FBXW10: variants seen among roughly 807,000 people sequenced by gnomAD.
FBXW10 encodes the protein F-box/WD repeat-containing protein 10.
In FBXW10, 68 loss-of-function variants were observed where a neutral mutation model predicts 113.1. The ratio of observed to expected loss-of-function variants is 0.60; its 90% CI spans 0.49 to 0.74. The LOEUF (loss-of-function observed/expected upper bound fraction) is 0.74, where lower values mean the gene tolerates loss of function less well. FBXW10 is among the 30% of genes least tolerant of loss of function. The probability of loss-of-function intolerance (pLI) is 0.00; values close to 1 mark genes in which losing one functional copy is unlikely to be tolerated. For synonymous variants in FBXW10, 289 were observed against 481.6 expected (o/e 0.60, Z 5.24); for missense variants, 753 against 1,284.5 (o/e 0.59, Z 6.32).
chr17:18,763,890 G>A lies in FBXW10; in HGVS notation c.1434-852G>A, dbSNP rs986162533. ...CTAAAAACCACCTGACACTGATCAA[G>A]CATTTTGTACATGTTAGTCACTATT... On this transcript the variant is annotated intron_variant, in intron 7 of 13. Transcript: ENST00000395665. 1.9e-4 allele frequency among the ~76,000 whole-genome samples: 28 copies of A among 147,140 alleles called. 1 individual carries two copies. Among genetic ancestry groups the A allele is most frequent in the Non-Finnish European group, 3.0e-5 (2 of 67,110 alleles).
Position 18,769,970 on chromosome 17 carries a change from G to T in FBXW10, c.1891G>T (p.Ala631Ser), listed in dbSNP as rs371753550. 1.9e-6 allele frequency: 3 copies of T among 1,614,090 alleles called. No homozygotes were observed. The highest frequency in any genetic ancestry group is 8.5e-7 in the Non-Finnish European group (1 of 1,180,028). Residue 631 changes from alanine to serine, a missense_variant, in exon 11 of 14, where the codon GCC (alanine) becomes TCC (serine). Physicochemically the swap from Ala to Ser is moderately conservative, Grantham distance 99 (BLOSUM62 1). Coordinates refer to ENST00000395665, the MANE Select transcript of FBXW10 (RefSeq NM_001267585.2). ...VSLLFLRVIS[A>S]CADGKIRIYN... ...CCTTCTCTTCCTCCGGGTCATCAGC[G>T]CCTGTGCAGATGGCAAGATCCGAAT...
intron 2 of FBXW10, 115 bp downstream of exon 2, chr17:18,748,220 C>T (rs2035081642): frequency 6.7e-7 from 1 of 1,491,912 alleles, no homozygotes; most frequent in Admixed American, 2.2e-5. Flanking sequence ...GAGATCGAGA[C>T]CATCCTGGCT....
At chr17:18,768,024 T>TCTC (rs2035532631) in intron 9 of FBXW10, among the ~76,000 whole-genome samples, 1 of 108,808 alleles carries the variant, frequency 9.2e-6, no homozygotes, top group Non-Finnish European at 1.9e-5. Context: ...CCTTCCTTCC[T>TCTC]TTCTTCCTTC....
chr17:18,762,462 C>A lies in FBXW10; in HGVS notation c.1434-2280C>A, dbSNP rs567198390. 1.4e-4 allele frequency among the ~76,000 whole-genome samples: 21 copies of A among 151,752 alleles called. 1 individual carries two copies. The East Asian group carries it at 2.5e-3, about 18-fold the overall frequency. On this transcript the variant is annotated intron_variant, in intron 7 of 13. Transcript: ENST00000395665. ...CCTCCCGAGTAGCTGGGACTACAGG[C>A]ATGTGCCACCACGCCCGGCGGCTAA...
chr17:18,776,258 G>T, intron 13 of FBXW10, among the ~76,000 whole-genome samples: 1 of 151,982 alleles, frequency 6.6e-6, no homozygotes, highest in African/African-American at 2.4e-5. Context: ...GAGGGGTGGG[G>T]GTTGCAGTGA....
chr17:18,768,022 C>T lies in FBXW10; in HGVS notation c.1705-512C>T, dbSNP rs1465505354. ...TATTTTTTCTTTTCCTTCCTTCCTT[C>T]CTTTCTTCCTTCCTTCCTTCCTTCC... On this transcript the variant is annotated intron_variant, in intron 9 of 13. Transcript: ENST00000395665. 5.6e-5 allele frequency among the ~76,000 whole-genome samples: 7 copies of T among 125,646 alleles called. No individual in the cohort carries two copies. In the East Asian group the frequency reaches 8.9e-4, roughly 16 times the overall value. The allele number at this position is 125,646 out of a possible 152,430, so 82.4% of individuals were successfully genotyped here.
intron 7 of FBXW10, among the ~76,000 whole-genome samples, chr17:18,762,318 C>CTTT (rs879044366): frequency 1.5e-5 from 2 of 136,712 alleles, no homozygotes; most frequent in Non-Finnish European, 3.2e-5. Flanking sequence ...AATATATTAT[C>CTTT]TTTTTTTTTT....
chr17:18,772,760 G>A (rs970342101), intron 12 of FBXW10, 77 bp downstream of exon 12: 15 of 1,250,902 alleles, frequency 1.2e-5, no homozygotes, highest in East Asian at 9.3e-5. Context: ...GGTGGGAGAC[G>A]GGGAGGACTG....
At chr17:18,753,547 C>G (rs1197799129) in intron 5 of FBXW10, among the ~76,000 whole-genome samples, 1 of 152,154 alleles carries the variant, frequency 6.6e-6, no homozygotes, top group Non-Finnish European at 1.5e-5. Context: ...CTTCGCCTTT[C>G]TCTCCTCTTT....
intron 7 of FBXW10, among the ~76,000 whole-genome samples, chr17:18,762,464 T>A (rs1020042927): frequency 5.3e-5 from 8 of 150,986 alleles, no homozygotes; most frequent in Non-Finnish European, 1.2e-4. Flanking sequence ...ACTACAGGCA[T>A]GTGCCACCAC....
intron 12 of FBXW10, among the ~76,000 whole-genome samples, chr17:18,774,873 T>C (rs968769377): frequency 6.6e-5 from 10 of 152,218 alleles, no homozygotes. Flanking sequence ...AGATTTGGAA[T>C]GTTCCCAACA....
intron 8 of FBXW10, among the ~76,000 whole-genome samples, chr17:18,765,851 C>T (rs1438387313): frequency 2.6e-5 from 4 of 152,046 alleles, no homozygotes; most frequent in East Asian, 3.9e-4. Flanking sequence ...CTCAGCCTCC[C>T]GAGTAGCTGG....
At position 18,744,340 on chromosome 17, in the gene FBXW10, T is replaced by A; in HGVS notation, c.96T>A (p.Cys32Ter). The A allele has an allele frequency of 8.7e-6, 14 of 1,613,824 alleles. No individual in the cohort carries two copies. The highest frequency in any genetic ancestry group is 1.1e-5 in the Non-Finnish European group (13 of 1,179,862). ...SIPLCRKCET[C>*]VLAWKIFSTK... The stretch of plus-strand genomic sequence containing the variant: ...CTCTATGCCGGAAGTGTGAGACGTG[T>A]GTCTTAGCCTGGAAGATCTTCTCTA... The change falls in exon 1 of 14, where the codon TGT becomes TGA. Residue 32 changes from cysteine (C) to a stop codon, truncating the protein, a stop_gained. Coordinates refer to ENST00000395665, the MANE Select transcript of FBXW10 (RefSeq NM_001267585.2). LOFTEE classifies it high-confidence loss of function.
rs1290389858 is a variant in FBXW10, at chr17:18,748,036, C to A, written c.601C>A (p.Gln201Lys). 20 of 1,613,746 alleles carry A rather than the reference C, an allele frequency of 1.2e-5. No individual in the cohort carries two copies. Among genetic ancestry groups the A allele is most frequent in the Non-Finnish European group, 1.5e-5 (18 of 1,179,858 alleles). ...ACAAGTCTATTGGACAGCCAAAACT[C>A]AGCACACATCCCTTCCTTTGTCCAA... is the stretch of plus-strand genomic sequence containing the variant. ...TSQVYWTAKT[Q>K]HTSLPLSKAP... The change falls in exon 2 of 14, where the codon CAG becomes AAG. Residue 201 changes from glutamine (Q) to lysine (K), a missense_variant. Coordinates refer to ENST00000395665, the MANE Select transcript of FBXW10 (RefSeq NM_001267585.2).
intron 13 of FBXW10, among the ~76,000 whole-genome samples, chr17:18,777,993 G>A (rs573967966): frequency 1.3e-5 from 2 of 151,852 alleles, no homozygotes; most frequent in South Asian, 2.1e-4. Context: ...GCTCATGCCT[G>A]TAATCCCAGC....
chr17:18,768,269 T>C (rs988160178), intron 9 of FBXW10, among the ~76,000 whole-genome samples: 10 of 152,050 alleles, frequency 6.6e-5, no homozygotes, highest in Non-Finnish European at 1.3e-4. Flanking sequence ...GGTTTCACCA[T>C]GTTGGCCAGG....
chr17:18,775,092 C>T (rs920634710), intron 12 of FBXW10, 44 bp from the exon 13 acceptor site: 17 of 1,292,940 alleles, frequency 1.3e-5, no homozygotes, highest in Non-Finnish European at 1.8e-5. Flanking sequence ...ATGCCCTAAT[C>T]GAAGTATATA....
chr17:18,744,483 C>T lies in FBXW10; in HGVS notation c.239C>T (p.Thr80Ile). The change falls in exon 1 of 14, where the codon ACA (threonine) becomes ATA (isoleucine). Residue 80 changes from threonine (T) to isoleucine (I), a missense_variant. Coordinates refer to ENST00000395665, the MANE Select transcript of FBXW10 (RefSeq NM_001267585.2). ...TATTTCCAAAATATCCTTCAGACCA[C>T]ACAGGGAAAGGATTTCATCTATAAC... ...LHYFQNILQT[T>I]QGKDFIYNRS... 1 of 1,613,842 alleles carries T rather than the reference C, an allele frequency of 6.2e-7. No homozygotes were observed. The highest frequency in any genetic ancestry group is 2.2e-5 in the East Asian group (1 of 44,880).
intron 7 of FBXW10, among the ~76,000 whole-genome samples, chr17:18,763,188 A>G (rs368675102): frequency 0.088 from 13,111 of 149,364 alleles, 652 homozygotes; most frequent in African/African-American, 0.13. Context: ...ACAGAGTCTC[A>G]CTCTGTCGCC....
Sources: gnomAD v4.1 joint callset for allele counts (sites outside exome capture counted in the v4.1 genomes callset) on GRCh38, gnomAD v4.1.1 for gene constraint, MANE v1.5 for transcripts, NCBI Gene and HGNC (gene_info 2026-07-23, HGNC 2026-07-21) for gene names.